PRKCB: variants seen among roughly 807,000 people sequenced by gnomAD.
PRKCB encodes the protein protein kinase C beta type.
PRKCB carries 13 observed loss-of-function variants against 81.5 expected under a neutral mutation model. That is an observed-to-expected ratio of 0.16 (90% CI 0.10 to 0.25). The LOEUF (loss-of-function observed/expected upper bound fraction) is 0.25, where lower values mean the gene tolerates loss of function less well. Among genes scored for constraint, PRKCB ranks in the 10% least tolerant of loss-of-function variants. The pLI, the probability that PRKCB is intolerant of heterozygous loss-of-function variation, is 1.00. For synonymous variants in PRKCB, 335 were observed against 321.4 expected (o/e 1.04, Z -0.45); for missense variants, 509 against 875.7 (o/e 0.58, Z 5.29).
chr16:23,842,646 G>T (rs1962287116), intron 2 of PRKCB, among the ~76,000 whole-genome samples: 1 of 152,178 alleles, frequency 6.6e-6, no homozygotes, highest in African/African-American at 2.4e-5. Context: ...TCTATGAAAA[G>T]CTAGAATTGA....
intron 2 of PRKCB, among the ~76,000 whole-genome samples, chr16:23,928,135 A>AT (rs1963921655): frequency 1.3e-5 from 2 of 151,738 alleles, no homozygotes; most frequent in African/African-American, 2.4e-5. Flanking sequence ...TTTTATTTTT[A>AT]TTTTTTTGAG....
chr16:23,982,127 CCCTTCCCTTTCCCTTCCCTT>C (rs1964737900), intron 2 of PRKCB, among the ~76,000 whole-genome samples: 1 of 47,126 alleles, frequency 2.1e-5, no homozygotes, highest in Admixed American at 1.7e-4. Context: ...CCTTCCCCTT[CCCTTCCCTTTCCCTTCCCTT>C]TCCCTTCCCC....
chr16:23,993,035 A>G (rs1341691976), intron 3 of PRKCB, among the ~76,000 whole-genome samples: 1 of 152,150 alleles, frequency 6.6e-6, no homozygotes. Flanking sequence ...GCTTTCCCTG[A>G]GGCAGTTGCC....
intron 8 of PRKCB, among the ~76,000 whole-genome samples, chr16:24,123,081 C>T (rs1166031493): frequency 6.6e-6 from 1 of 152,194 alleles, no homozygotes; most frequent in Non-Finnish European, 1.5e-5. Flanking sequence ...AACAAGTGAA[C>T]AGGCAGTTAT....
intron 2 of PRKCB, among the ~76,000 whole-genome samples, chr16:23,950,463 A>G (rs1315699742): frequency 6.6e-6 from 1 of 152,192 alleles, no homozygotes; most frequent in East Asian, 1.9e-4. Flanking sequence ...GGGTAAGAGC[A>G]CGGGGTTCTG....
At chr16:24,115,591 A>G (rs184258623) in intron 8 of PRKCB, among the ~76,000 whole-genome samples, 3 of 151,806 alleles carry the variant, frequency 2.0e-5, no homozygotes, top group East Asian at 1.9e-4. Context: ...TCCGAAGAGT[A>G]TTTATCCCAA....
intron 2 of PRKCB, among the ~76,000 whole-genome samples, chr16:23,972,261 G>T (rs1167591162): frequency 6.6e-6 from 1 of 152,182 alleles, no homozygotes; most frequent in Non-Finnish European, 1.5e-5. Flanking sequence ...CAGGCTGGGG[G>T]TGTGTACAGG....
chr16:24,213,566 G>T (rs1049910578), intron 16 of PRKCB, among the ~76,000 whole-genome samples: 7 of 152,122 alleles, frequency 4.6e-5, no homozygotes, highest in African/African-American at 1.7e-4. Context: ...ATTTTGCACT[G>T]GTATATAGCA....
At chr16:24,193,807 C>T (rs754420590) in intron 16 of PRKCB, among the ~76,000 whole-genome samples, 47 of 152,090 alleles carry the variant, frequency 3.1e-4, no homozygotes, top group Non-Finnish European at 6.0e-4. Flanking sequence ...AGGTGATCTA[C>T]CTAACAGGCT....
chr16:24,086,414 T>C (rs1049186952), intron 5 of PRKCB, among the ~76,000 whole-genome samples: 7 of 152,194 alleles, frequency 4.6e-5, no homozygotes, highest in African/African-American at 1.7e-4. Context: ...CCTCCAACCC[T>C]GGTTAGGGCA....
intron 2 of PRKCB, among the ~76,000 whole-genome samples, chr16:23,844,244 C>G (rs1962322260): frequency 6.6e-6 from 1 of 152,220 alleles, no homozygotes; most frequent in Non-Finnish European, 1.5e-5. Flanking sequence ...TTCATCCAAT[C>G]TCTTCATTGA....
chr16:23,906,641 C>T (rs1963565829), intron 2 of PRKCB, among the ~76,000 whole-genome samples: 2 of 150,802 alleles, frequency 1.3e-5, no homozygotes, highest in African/African-American at 4.9e-5. Flanking sequence ...ACTTTAACTT[C>T]TTTTTTTTTG....
intron 2 of PRKCB, among the ~76,000 whole-genome samples, chr16:23,962,783 T>TG (rs1189334476): frequency 1.3e-5 from 2 of 151,890 alleles, no homozygotes; most frequent in Admixed American, 1.3e-4. Flanking sequence ...GGGGAGCAAG[T>TG]GGTTTTTTTG....
At chr16:24,192,281 C>G (rs1328908980) in intron 16 of PRKCB, among the ~76,000 whole-genome samples, 1 of 152,190 alleles carries the variant, frequency 6.6e-6, no homozygotes, top group Non-Finnish European at 1.5e-5. Flanking sequence ...GAGAGCTGAT[C>G]ATGGTTTTCG....
At chr16:23,912,507 C>CTTTTTTTTTTTTTTTTTTTTTTTTTT (rs1210105406) in intron 2 of PRKCB, among the ~76,000 whole-genome samples, 1 of 72,078 alleles carries the variant, frequency 1.4e-5, no homozygotes, top group African/African-American at 5.8e-5. Flanking sequence ...TTTCTTTCTT[C>CTTTTTTTTTTTTTTTTTTTTTTTTTT]TTTTTTTTTT....
At chr16:24,139,445 C>T (rs975392793) in intron 9 of PRKCB, among the ~76,000 whole-genome samples, 1 of 152,170 alleles carries the variant, frequency 6.6e-6, no homozygotes, top group Non-Finnish European at 1.5e-5. Context: ...AGGTTTCAAT[C>T]TCCTTGTTCC....
chr16:23,882,022 C>CTTTCTCTTTCTTTCT (rs1567301134), intron 2 of PRKCB, among the ~76,000 whole-genome samples: 1 of 57,420 alleles, frequency 1.7e-5, no homozygotes, highest in Non-Finnish European at 3.5e-5. Context: ...TTCTTTCTTT[C>CTTTCTCTTTCTTTCT]TTCCTTCCTT....
chr16:24,176,384 G>A (rs1967531754), intron 12 of PRKCB, among the ~76,000 whole-genome samples: 1 of 152,094 alleles, frequency 6.6e-6, no homozygotes, highest in Admixed American at 6.5e-5. Context: ...CTGCACTCCA[G>A]CCTGGGCAAC....
intron 2 of PRKCB, among the ~76,000 whole-genome samples, chr16:23,938,117 A>G (rs195985): frequency 0.97 from 147,094 of 152,282 alleles, 71,080 homozygotes; most frequent in East Asian, 1. Flanking sequence ...ACTAGCGAAA[A>G]CATCACTAGG....
Sources: allele counts gnomAD v4.1 joint callset (sites outside exome capture counted in the v4.1 genomes callset), GRCh38; gene constraint gnomAD v4.1.1; transcripts MANE v1.5; gene names NCBI Gene and HGNC (gene_info 2026-07-23, HGNC 2026-07-21).